SEC24A: variants seen among roughly 807,000 people sequenced by gnomAD.
SEC24A encodes the protein SEC24 homolog A, COPII component.
SEC24A carries 93 observed loss-of-function variants against 129.4 expected under a neutral mutation model. The ratio of observed to expected loss-of-function variants is 0.72; its 90% CI spans 0.61 to 0.85. SEC24A has a LOEUF of 0.85. SEC24A is among the 40% of genes least tolerant of loss of function. The pLI is 0.00. For synonymous variants in SEC24A, 460 were observed against 467.3 expected (o/e 0.98, Z 0.20); for missense variants, 1,264 against 1,307.4 (o/e 0.97, Z 0.51).
Position 134,693,808 on chromosome 5 carries a change from C to A in SEC24A, c.1861C>A (p.Gln621Lys), listed in dbSNP as rs1037560898. The part of the protein sequence containing the change: ...ETQSALGPAL[Q>K]AAFKLMSPTG... Reference sequence around the variant, plus strand: ...CCAGAGTGCCTTGGGTCCTGCACTGCAGGCTGCCTTTAAGCTGATGTCTCC... The same window carrying A: ...CCAGAGTGCCTTGGGTCCTGCACTGAAGGCTGCCTTTAAGCTGATGTCTCC... The change falls in exon 13 of 23, where the codon CAG becomes AAG. Residue 621 changes from glutamine to lysine, a missense_variant. By Grantham distance (53) the Gln-to-Lys change is moderately conservative. Transcript: ENST00000398844. The A allele has an allele frequency of 2.5e-6, 4 of 1,614,050 alleles. No homozygotes were observed. Among genetic ancestry groups the A allele is most frequent in the African/African-American group, 2.7e-5 (2 of 74,930 alleles).
At position 134,713,384 on chromosome 5, in the gene SEC24A, C is replaced by T. The variant is rs1181788930; in HGVS notation, c.2728-1640C>T. Among the ~76,000 whole-genome samples, 3 of 152,120 alleles carry T rather than the reference C, an allele frequency of 2.0e-5. No homozygotes were observed. The East Asian group carries it at 5.8e-4, about 29-fold the overall frequency. On this transcript the variant is annotated intron_variant, in intron 18 of 22. Coordinates refer to ENST00000398844, the MANE Select transcript of SEC24A (RefSeq NM_021982.3). ...CCCCATCCCTCACCATCCTGACACC[C>T]CTAATCACCCTTACCTCCTGTATTT...
intron 4 of SEC24A, among the ~76,000 whole-genome samples, chr5:134,672,842 C>A (rs1490225289): frequency 6.6e-6 from 1 of 151,626 alleles, no homozygotes; most frequent in Non-Finnish European, 1.5e-5. Context: ...CTCGTGCGAT[C>A]TTCTACCTCA....
chr5:134,698,163 CT>C, intron 15 of SEC24A, 106 bp downstream of exon 15: 1 of 962,292 alleles, frequency 1.0e-6, no homozygotes, highest in Admixed American at 2.4e-5. Flanking sequence ...GATACTTTGC[CT>C]ACTCTGGAAT....
At chr5:134,654,051 C>T (rs559328731) in intron 1 of SEC24A, among the ~76,000 whole-genome samples, 1 of 151,590 alleles carries the variant, frequency 6.6e-6, no homozygotes, top group South Asian at 2.1e-4. Flanking sequence ...CCCAGCTACT[C>T]AGGAGGCTGA....
rs1751351264 is a variant in SEC24A, at chr5:134,683,672, C to G, written c.1491+1190C>G. On this transcript the variant is annotated intron_variant, in intron 9 of 22. Transcript: ENST00000398844. Reference sequence around the variant, plus strand: ...GGGACTACAGACATGCACCACCATGCCCTGCTAATTTTTTAAAAGTTTTTT... The same window carrying G: ...GGGACTACAGACATGCACCACCATGGCCTGCTAATTTTTTAAAAGTTTTTT... Among the ~76,000 whole-genome samples the G allele has an allele frequency of 1.3e-5, 2 of 152,168 alleles. 1 individual carries two copies. Among genetic ancestry groups the G allele is most frequent in the Admixed American group, 1.3e-4 (2 of 15,264 alleles).
At position 134,708,881 on chromosome 5, in the gene SEC24A, T is replaced by C; in HGVS notation, c.2720T>C (p.Leu907Pro). ...RLFPLFVLAL[L>P]KQKSFQTGTN... ...TTCCCACTTTTTGTGTTGGCTCTCC[T>C]TAAACAGGTAAGAAAAACAGATATA... The change falls in exon 18 of 23, where the codon CTT becomes CCT. Residue 907 changes from leucine (L) to proline (P), a missense_variant. Leu to Pro is a moderately conservative substitution (Grantham distance 98, BLOSUM62 -3). Transcript: ENST00000398844. 1 of 1,612,726 alleles carries C rather than the reference T, an allele frequency of 6.2e-7. No homozygotes were observed. Among genetic ancestry groups the C allele is most frequent in the Non-Finnish European group, 8.5e-7 (1 of 1,179,668 alleles).
At chr5:134,669,510 T>C (rs1296459773) in intron 3 of SEC24A, among the ~76,000 whole-genome samples, 3 of 148,258 alleles carry the variant, frequency 2.0e-5, no homozygotes, top group Admixed American at 6.8e-5. Flanking sequence ...GGAGTCTCAC[T>C]CTGTCTGCCA....
chr5:134,662,035 T>A (rs1750482852), intron 2 of SEC24A, among the ~76,000 whole-genome samples: 2 of 152,030 alleles, frequency 1.3e-5, no homozygotes, highest in Non-Finnish European at 2.9e-5. Context: ...TTCACCATAT[T>A]GGCCAGGCTG....
chr5:134,696,731 C>T (rs939412661), intron 13 of SEC24A, among the ~76,000 whole-genome samples: 2 of 151,938 alleles, frequency 1.3e-5, no homozygotes, highest in African/African-American at 4.8e-5. Context: ...ATCTCCGGCC[C>T]TCGTGATCCA....
At chr5:134,675,899 CT>C in intron 6 of SEC24A, 123 bp from the exon 7 acceptor site, 1 of 607,558 alleles carries the variant, frequency 1.6e-6, no homozygotes, top group Non-Finnish European at 2.7e-6. Flanking sequence ...TTTTGAGACT[CT>C]ATTGAAATAT....
intron 20 of SEC24A, among the ~76,000 whole-genome samples, chr5:134,718,860 C>T (rs1003169947): frequency 8.6e-5 from 13 of 151,218 alleles, no homozygotes; most frequent in African/African-American, 3.2e-4. Flanking sequence ...ATCCTAACTA[C>T]TTGGGAAGCC....
At chr5:134,713,331 C>T (rs951217048) in intron 18 of SEC24A, among the ~76,000 whole-genome samples, 4 of 152,042 alleles carry the variant, frequency 2.6e-5, no homozygotes, top group African/African-American at 4.8e-5. Flanking sequence ...CTGATCTTCC[C>T]GATTTAATAT....
intron 18 of SEC24A, among the ~76,000 whole-genome samples, chr5:134,712,957 A>G: frequency 9.0e-6 from 1 of 111,560 alleles, no homozygotes; most frequent in African/African-American, 3.8e-5. Flanking sequence ...TTTGAGACAG[A>G]GTCTCGCTCT....
In SEC24A at chr5:134,674,648, T is replaced by G; in HGVS notation, c.851T>G (p.Met284Arg). The stretch of plus-strand genomic sequence containing the variant: ...CAGCTTACTAACAAGAATCCCAAAA[T>G]GAGCCGAAGTGTTGGATATTCATAT... ...TPQLTNKNPK[M>R]SRSVGYSYPS... The change falls in exon 5 of 23, where the codon ATG becomes AGG. Residue 284 changes from methionine to arginine, a missense_variant. Met to Arg is a moderately conservative substitution (Grantham distance 91). Coordinates refer to ENST00000398844, the MANE Select transcript of SEC24A (RefSeq NM_021982.3). The G allele has an allele frequency of 6.2e-7, 1 of 1,613,720 alleles. No homozygotes were observed. The highest frequency in any genetic ancestry group is 8.5e-7 in the Non-Finnish European group (1 of 1,179,774).
At position 134,694,252 on chromosome 5, in the gene SEC24A, G is replaced by A. The variant is rs976488239; in HGVS notation, c.1986+319G>A. Among the ~76,000 whole-genome samples, 6 of 152,080 alleles carry A rather than the reference G, an allele frequency of 3.9e-5. No homozygotes were observed. The East Asian group carries it at 9.6e-4, about 24-fold the overall frequency. On this transcript the variant is annotated intron_variant, in intron 13 of 22. Coordinates refer to ENST00000398844, the MANE Select transcript of SEC24A (RefSeq NM_021982.3). Reference sequence around the variant, plus strand: ...TAAGAATAGTCTTATTTGGCTGGGCGTGGTAGCTCACACCTGTAATCCCAA... The same window carrying A: ...TAAGAATAGTCTTATTTGGCTGGGCATGGTAGCTCACACCTGTAATCCCAA...
At chr5:134,663,309 T>C (rs1750539795) in intron 2 of SEC24A, among the ~76,000 whole-genome samples, 1 of 152,050 alleles carries the variant, frequency 6.6e-6, no homozygotes, top group Non-Finnish European at 1.5e-5. Flanking sequence ...CGATCATAGC[T>C]CACTTAACTG....
intron 2 of SEC24A, among the ~76,000 whole-genome samples, chr5:134,664,695 G>A (rs747203391): frequency 2.0e-5 from 3 of 150,392 alleles, no homozygotes; most frequent in Non-Finnish European, 4.4e-5. Flanking sequence ...TGATAAGGGA[G>A]TTACATGGCA....
chr5:134,673,605 A>C (rs934861879), intron 4 of SEC24A, among the ~76,000 whole-genome samples: 1 of 151,736 alleles, frequency 6.6e-6, no homozygotes, highest in African/African-American at 2.4e-5. Flanking sequence ...CTACAGGCAC[A>C]TGCCACCACA....
At chr5:134,658,443 G>C (rs1190720776) in intron 1 of SEC24A, among the ~76,000 whole-genome samples, 2 of 152,156 alleles carry the variant, frequency 1.3e-5, no homozygotes, top group African/African-American at 2.4e-5. Context: ...TTCTCACTCT[G>C]TAGCCCAGGG....
Sources: gnomAD v4.1 joint callset for allele counts (sites outside exome capture counted in the v4.1 genomes callset) on GRCh38, gnomAD v4.1.1 for gene constraint, MANE v1.5 for transcripts, NCBI Gene and HGNC (gene_info 2026-07-23, HGNC 2026-07-21) for gene names.